Variants in TMPRSS7 observed in about 807,000 individuals in gnomAD.
The protein encoded by TMPRSS7 is transmembrane protease serine 7.
A neutral mutation model predicts 95.6 loss-of-function variants in TMPRSS7; 81 were observed. The observed-to-expected ratio is 0.85, with a 90% CI of 0.71 to 1.02. The LOEUF (loss-of-function observed/expected upper bound fraction) is 1.02. Among genes scored for constraint, TMPRSS7 ranks in the 50% least tolerant of loss-of-function variants. The probability of loss-of-function intolerance (pLI) is 0.00; values close to 1 mark genes in which losing one functional copy is unlikely to be tolerated. For synonymous variants in TMPRSS7, 364 were observed against 337.8 expected (o/e 1.08, Z -0.85); for missense variants, 945 against 955.2 (o/e 0.99, Z 0.14).
At chr3:112,078,478 A>G (rs1214688540) in intron 16 of TMPRSS7, among the ~76,000 whole-genome samples, 1 of 152,220 alleles carries the variant, frequency 6.6e-6, no homozygotes, top group Admixed American at 6.5e-5. Flanking sequence ...GGTGAGGAAT[A>G]TGGCACAGTT....
chr3:112,043,193 A>T (rs2073232871), intron 3 of TMPRSS7: 1 of 439,774 alleles, frequency 2.3e-6, no homozygotes, highest in Non-Finnish European at 4.6e-6. Context: ...CTACACACCC[A>T]GGCTAGATGG....
exon 7 of TMPRSS7, chr3:112,047,948 C>A (rs151279614): frequency 6.8e-6 from 11 of 1,613,860 alleles, no homozygotes; most frequent in Non-Finnish European, 9.3e-6. Flanking sequence ...TTTGCCCATC[C>A]GGAGCAGCAT....
chr3:112,035,856 A>T (rs1472204793), intron 1 of TMPRSS7, among the ~76,000 whole-genome samples: 3 of 152,224 alleles, frequency 2.0e-5, no homozygotes, highest in African/African-American at 7.2e-5. Context: ...ACATCAATAC[A>T]CTTAAACCAA....
chr3:112,057,048 A>G, exon 10 of TMPRSS7: 2 of 1,611,534 alleles, frequency 1.2e-6, no homozygotes, highest in South Asian at 2.2e-5. Flanking sequence ...CTCTTGGCAT[A>G]GCACTGAAAT....
rs750826219 is a variant in TMPRSS7 at position 112,080,913 on chromosome 3, G to T, written c.2362-1G>T. 2 of 1,612,008 alleles carry T rather than the reference G, an allele frequency of 1.2e-6. No homozygotes were observed. The highest frequency in any genetic ancestry group is 1.7e-6 in the Non-Finnish European group (2 of 1,179,208). ...TATACTTACATTTTTTGTGTGTGTA[G>T]GGAGATTCGGGTGGACCTTTATCTT... On this transcript the variant is annotated splice_acceptor_variant, in intron 17 of 17. Transcript: ENST00000452346. LOFTEE classifies it high-confidence loss of function.
intron 13 of TMPRSS7, among the ~76,000 whole-genome samples, chr3:112,069,571 G>A (rs903700047): frequency 6.6e-6 from 1 of 152,146 alleles, no homozygotes; most frequent in African/African-American, 2.4e-5. Context: ...TATGTGTCCA[G>A]GAATTTATCC....
intron 7 of TMPRSS7, among the ~76,000 whole-genome samples, chr3:112,049,050 C>T (rs1335168726): frequency 6.6e-6 from 1 of 152,198 alleles, no homozygotes; most frequent in Non-Finnish European, 1.5e-5. Context: ...CACTCTACAA[C>T]CCTGCCGCTT....
intron 13 of TMPRSS7, among the ~76,000 whole-genome samples, chr3:112,068,057 T>C (rs776432489): frequency 6.6e-6 from 1 of 151,904 alleles, no homozygotes; most frequent in African/African-American, 2.4e-5. Flanking sequence ...AGCCAGTTTT[T>C]CCAGCACCAT....
chr3:112,060,885 A>T (rs990628401), intron 10 of TMPRSS7, among the ~76,000 whole-genome samples: 1 of 152,232 alleles, frequency 6.6e-6, no homozygotes, highest in Non-Finnish European at 1.5e-5. Context: ...AGAGATTTGC[A>T]GTAAAGACAG....
In TMPRSS7 at chr3:112,047,818, G is replaced by T. The variant is rs751117780; in HGVS notation, c.810G>T (p.Arg270Ser). Reference sequence around the variant, plus strand: ...TGGAGATTTCTGCAGCCTCAGGGAGGCTGATGTGTCACTTCAAGCTGGTGG... The same window carrying T: ...TGGAGATTTCTGCAGCCTCAGGGAGTCTGATGTGTCACTTCAAGCTGGTGG... The change falls in exon 7 of 18, where the codon AGG becomes AGT. Residue 270 changes from arginine to serine, a missense_variant. By Grantham distance (110) the Arg-to-Ser change is moderately radical (BLOSUM62 -1). Coordinates refer to ENST00000452346, the Ensembl canonical transcript of TMPRSS7. The T allele has an allele frequency of 9.9e-6, 16 of 1,614,042 alleles. No homozygotes were observed. The South Asian group carries it at 1.5e-4, about 16-fold the overall frequency.
At chr3:112,038,187 T>C (rs1473927130) in exon 2 of TMPRSS7, 3 of 702,752 alleles carry the variant, frequency 4.3e-6, no homozygotes, top group East Asian at 5.4e-5. Flanking sequence ...CAAAGACCCA[T>C]TGGCAAAGCC....
rs1339984692 is a variant in TMPRSS7, at chr3:112,060,597, G to A, written c.1311-1190G>A. 4.6e-5 allele frequency among the ~76,000 whole-genome samples: 7 copies of A among 152,352 alleles called. No individual in the cohort carries two copies. In the East Asian group the frequency reaches 1.2e-3, roughly 25 times the overall value. On this transcript the variant is annotated intron_variant, in intron 10 of 17. Coordinates refer to ENST00000452346, the Ensembl canonical transcript of TMPRSS7. ...TGGCTGTGTTCTGCCTGGCTCACCA[G>A]CGGTCAGAGTTTAAGGTTATCTCTC...
At position 112,052,086 on chromosome 3, in the gene TMPRSS7, C is replaced by T. The variant is rs144300317; in HGVS notation, c.1203+1303C>T. Among the ~76,000 whole-genome samples the T allele has an allele frequency of 2.4e-3, 369 of 151,654 alleles. 5 individuals are homozygous for T. The highest frequency in any genetic ancestry group is 7.9e-3 in the African/African-American group (326 of 41,274). On this transcript the variant is annotated intron_variant, in intron 9 of 17. Coordinates refer to ENST00000452346, the Ensembl canonical transcript of TMPRSS7. ...AAGTAATAAACAAACAAGTTAAATA[C>T]GCGTAATATGTCTCGTAATGATAAA...
rs774285934 is a variant in TMPRSS7 at position 112,066,486 on chromosome 3, G to C, written c.1650G>C (p.Glu550Asp). 2.5e-6 allele frequency: 4 copies of C among 1,613,730 alleles called. No homozygotes were observed. The African/African-American group carries it at 5.3e-5, about 22-fold the overall frequency. The change falls in exon 13 of 18, where the codon GAG (glutamate) becomes GAC (aspartate). Residue 550 changes from glutamate (E) to aspartate (D), a missense_variant. Physicochemically the swap from Glu to Asp is conservative, Grantham distance 45 (BLOSUM62 2). Transcript: ENST00000452346. ...GGGACTGTGAGAATGGCCGGGATGA[G>C]CAAAACTGCACTCAAAGTGAGGGAG...
intron 7 of TMPRSS7, among the ~76,000 whole-genome samples, chr3:112,049,142 C>A (rs1439140749): frequency 1.3e-5 from 2 of 152,172 alleles, no homozygotes; most frequent in East Asian, 3.9e-4. Context: ...CTGCATACCG[C>A]ACCAATTCAC....
exon 16 of TMPRSS7, chr3:112,077,033 C>T: frequency 6.2e-7 from 1 of 1,614,192 alleles, no homozygotes; most frequent in Non-Finnish European, 8.5e-7. Context: ...TATTGCCTGG[C>T]CTGAGACCCT....
chr3:112,048,458 G>A (rs1298139737), intron 7 of TMPRSS7, among the ~76,000 whole-genome samples: 1 of 152,016 alleles, frequency 6.6e-6, no homozygotes, highest in Non-Finnish European at 1.5e-5. Context: ...TTATATTTTA[G>A]CATAAATCCT....
At chr3:112,041,302 G>A (rs994048529) in intron 2 of TMPRSS7, among the ~76,000 whole-genome samples, 2 of 152,212 alleles carry the variant, frequency 1.3e-5, no homozygotes, top group Admixed American at 6.5e-5. Context: ...GGGCTAAAGT[G>A]ACCTTGAATG....
intron 2 of TMPRSS7, among the ~76,000 whole-genome samples, chr3:112,041,251 C>G (rs1314226528): frequency 6.6e-6 from 1 of 151,560 alleles, no homozygotes; most frequent in East Asian, 2.0e-4. Flanking sequence ...CCCCTTACCC[C>G]GTGCTTCCTC....
Sources: allele counts gnomAD v4.1 joint callset (sites outside exome capture counted in the v4.1 genomes callset), GRCh38; gene constraint gnomAD v4.1.1; transcripts MANE v1.5; gene names NCBI Gene and HGNC (gene_info 2026-07-23, HGNC 2026-07-21).